Variants in PTAFR observed in about 807,000 individuals in gnomAD.
PTAFR encodes the protein platelet activating factor receptor.
Under a neutral mutation model 14.7 loss-of-function variants are expected in PTAFR, and 8 were observed. The observed-to-expected ratio is 0.54, with a 90% confidence interval of 0.32 to 0.98. PTAFR has a LOEUF of 0.98. Among genes scored for constraint, PTAFR ranks in the 50% least tolerant of loss-of-function variants. The probability of loss-of-function intolerance (pLI) is 0.04; values close to 1 mark genes in which losing one functional copy is unlikely to be tolerated. For synonymous variants in PTAFR, 156 were observed against 176.5 expected, an observed-to-expected ratio of 0.88 and a Z score of 0.92; for missense variants, 337 against 451.2, an observed-to-expected ratio of 0.75 and a Z score of 2.29.
intron 1 of PTAFR, among the ~76,000 whole-genome samples, chr1:28,152,485 C>A (rs1646205452): frequency 6.6e-6 from 1 of 152,012 alleles, no homozygotes; most frequent in Admixed American, 6.6e-5. Flanking sequence ...TGCCTGTAGT[C>A]CCAGCTACTC....
chr1:28,176,461 A>AAAAAAG (rs1646515720), intron 1 of PTAFR, 131 bp downstream of exon 1: 2 of 152,902 alleles, frequency 1.3e-5, no homozygotes, highest in Non-Finnish European at 2.9e-5. Context: ...AAAAAAAAAA[A>AAAAAAG]AAAAGAAAAG....
chr1:28,162,321 A>G (rs1646332827), intron 1 of PTAFR, among the ~76,000 whole-genome samples: 1 of 152,152 alleles, frequency 6.6e-6, no homozygotes, highest in South Asian at 2.1e-4. Context: ...GGCTGGGGCA[A>G]AAGTTTGGTA....
At chr1:28,188,015 T>C (rs1646620787) in intron 1 of PTAFR, among the ~76,000 whole-genome samples, 1 of 150,394 alleles carries the variant, frequency 6.6e-6, no homozygotes, top group Non-Finnish European at 1.5e-5. Context: ...TCATCTCTAC[T>C]GAAAATACAA....
intron 1 of PTAFR, among the ~76,000 whole-genome samples, chr1:28,171,399 A>G (rs1402009852): frequency 1.3e-5 from 2 of 151,722 alleles, no homozygotes; most frequent in Admixed American, 6.6e-5. Context: ...CTAGGCATAT[A>G]GAAGGTACTC....
rs773166482 is a variant in PTAFR at position 28,150,010 on chromosome 1, T to C, written c.1012A>G (p.Asn338Asp). The C allele has an allele frequency of 5.0e-6, 8 of 1,612,322 alleles. No individual in the cohort carries two copies. In the East Asian group the frequency reaches 1.3e-4, roughly 27 times the overall value. ...VVVPFNQIPG[N>D]SLKN The stretch of plus-strand genomic sequence containing the variant: ...AGCAGGGACTAATTTTTGAGGGAAT[T>C]GCCAGGGATCTGGTTGAATGGCACA... Residue 338 changes from asparagine (N) to aspartate (D), a missense_variant, in exon 2 of 2, where the codon AAT becomes GAT. Physicochemically the swap from Asn to Asp is conservative, Grantham distance 23. Coordinates refer to ENST00000373857, the MANE Select transcript of PTAFR (RefSeq NM_000952.5). The surrounding 1 kb of genome is among the most constrained non-coding windows in gnomAD (Gnocchi z 6.3).
chr1:28,171,842 T>TG, intron 1 of PTAFR, among the ~76,000 whole-genome samples: 1 of 152,248 alleles, frequency 6.6e-6, no homozygotes, highest in African/African-American at 2.4e-5. Context: ...AAGTCTGGCC[T>TG]GGGTCTCTCC....
At chr1:28,193,695 C>G (rs1646675711) in intron 1 of PTAFR, 1 of 152,720 alleles carries the variant, frequency 6.5e-6, no homozygotes, top group African/African-American at 2.4e-5. Flanking sequence ...GAAACTTAGC[C>G]CTTCCCTCAG....
intron 1 of PTAFR, among the ~76,000 whole-genome samples, chr1:28,154,671 G>C (rs1483735211): frequency 1.3e-4 from 19 of 151,906 alleles, no homozygotes; most frequent in Admixed American, 1.2e-3. Flanking sequence ...AATTAGCCAG[G>C]CATGGTGGTG....
intron 1 of PTAFR, among the ~76,000 whole-genome samples, chr1:28,175,931 C>T (rs1646508098): frequency 1.3e-5 from 2 of 151,920 alleles, no homozygotes; most frequent in African/African-American, 2.4e-5. Context: ...CCAAGCTGCC[C>T]CCATCACCAC....
chr1:28,183,863 G>A (rs1274186777), intron 1 of PTAFR, among the ~76,000 whole-genome samples: 2 of 152,014 alleles, frequency 1.3e-5, no homozygotes, highest in African/African-American at 4.8e-5. Flanking sequence ...CTCCACTCCA[G>A]CCTGGGCAAC....
At chr1:28,183,812 G>A (rs964683660) in intron 1 of PTAFR, among the ~76,000 whole-genome samples, 10 of 151,870 alleles carry the variant, frequency 6.6e-5, no homozygotes, top group East Asian at 5.8e-4. Context: ...ACTTGAACCC[G>A]GGAGGCAGAG....
intron 1 of PTAFR, among the ~76,000 whole-genome samples, chr1:28,168,953 C>A (rs1410082150): frequency 6.6e-6 from 1 of 152,098 alleles, no homozygotes; most frequent in East Asian, 1.9e-4. Context: ...CCAGCATGAG[C>A]CACTGCGCCC....
intron 1 of PTAFR, among the ~76,000 whole-genome samples, chr1:28,157,630 ATT>A (rs1197395346): frequency 1.3e-4 from 17 of 131,100 alleles, no homozygotes; most frequent in Admixed American, 1.5e-4. Flanking sequence ...ATTAATTTTG[ATT>A]TTTTTTTTTT....
Position 28,183,804 on chromosome 1 carries a change from T to C in PTAFR, c.-39+9918A>G, listed in dbSNP as rs1017986961. The stretch of plus-strand genomic sequence containing the variant: ...CAAGAGGCAGAGGCAGAAGAATCAC[T>C]TGAACCCGGGAGGCAGAGGTTGCAG... On this transcript the variant is annotated intron_variant, in intron 1 of 1. Coordinates refer to the PTAFR transcript ENST00000305392. Among the ~76,000 whole-genome samples the C allele has an allele frequency of 3.3e-5, 5 of 152,110 alleles. No individual in the cohort carries two copies. In the South Asian group the frequency reaches 1.0e-3, roughly 32 times the overall value.
intron 1 of PTAFR, among the ~76,000 whole-genome samples, chr1:28,172,222 G>A (rs892221448): frequency 3.3e-5 from 5 of 152,104 alleles, no homozygotes; most frequent in African/African-American, 1.2e-4. Context: ...CACCATGCTG[G>A]CCAGGCTGGT....
Position 28,147,287 on chromosome 1 carries a change from C to T in PTAFR, c.*2706G>A, listed in dbSNP as rs1399567344. 1 of 152,010 alleles carries T rather than the reference C, an allele frequency of 6.6e-6. No individual in the cohort carries two copies. The highest frequency in any genetic ancestry group is 1.5e-5 in the Non-Finnish European group (1 of 68,018). The allele number at this position is 152,010 out of a possible 1,614,324, so 9.4% of individuals were successfully genotyped here. ...GAGACGCGGGGAGTTAGCACAGAAG[C>T]ACTTTCCTCATTCAGAGCTCTTTTG... is the stretch of plus-strand genomic sequence containing the variant. On this transcript the variant is annotated 3_prime_UTR_variant, in exon 2 of 2. Transcript: ENST00000373857.
chr1:28,165,513 G>A (rs1324477447), intron 1 of PTAFR, among the ~76,000 whole-genome samples: 1 of 152,044 alleles, frequency 6.6e-6, no homozygotes, highest in East Asian at 1.9e-4. Flanking sequence ...GTCAGGCGCG[G>A]TGCCTCACGC....
upstream of PTAFR, among the ~76,000 whole-genome samples, chr1:28,180,900 G>A (rs947945131): frequency 6.6e-6 from 1 of 152,012 alleles, no homozygotes; most frequent in African/African-American, 2.4e-5. Flanking sequence ...AAGAAAGGAA[G>A]AGGAATGAAG....
At chr1:28,167,258 A>C (rs1290659013) in intron 1 of PTAFR, among the ~76,000 whole-genome samples, 1 of 152,228 alleles carries the variant, frequency 6.6e-6, no homozygotes, top group Non-Finnish European at 1.5e-5. Flanking sequence ...CAACTCAGTA[A>C]CAACAATAAC....
Sources: gnomAD v4.1 joint callset for allele counts (sites outside exome capture counted in the v4.1 genomes callset) on GRCh38, gnomAD v4.1.1 for gene constraint, Gnocchi (gnomAD v3.1) non-coding constraint, MANE v1.5 for transcripts, NCBI Gene and HGNC (gene_info 2026-07-23, HGNC 2026-07-21) for gene names.